The following SGCZ variants were observed in gnomAD, a reference collection of about 807,000 sequenced individuals.
The protein encoded by SGCZ is zeta-sarcoglycan.
Under a neutral mutation model 41.3 loss-of-function variants are expected in SGCZ, and 40 were observed. That is an observed-to-expected ratio of 0.97 (90% CI 0.75 to 1.26). The LOEUF (loss-of-function observed/expected upper bound fraction) is 1.26. Ranked by LOEUF, SGCZ falls within the 50% of genes most tolerant of loss-of-function variation. The pLI is 0.00. For synonymous variants in SGCZ, 206 were observed against 137.5 expected, an observed-to-expected ratio of 1.50 and a Z score of -3.49; for missense variants, 552 against 369.8, an observed-to-expected ratio of 1.49 and a Z score of -4.04.
intron 1 of SGCZ, among the ~76,000 whole-genome samples, chr8:14,574,526 C>G (rs1008468566): frequency 3.3e-5 from 5 of 152,200 alleles, no homozygotes; most frequent in African/African-American, 1.2e-4. Flanking sequence ...AAAGAAGAAT[C>G]TGAGCAGACA....
chr8:14,453,865 T>C (rs1329797988), intron 2 of SGCZ, among the ~76,000 whole-genome samples: 1 of 152,204 alleles, frequency 6.6e-6, no homozygotes, highest in Non-Finnish European at 1.5e-5. Flanking sequence ...GAGCTTTAAA[T>C]ACAGAACTGT....
chr8:14,216,623 T>C (rs953143340), intron 4 of SGCZ, among the ~76,000 whole-genome samples: 1 of 152,036 alleles, frequency 6.6e-6, no homozygotes, highest in Non-Finnish European at 1.5e-5. Flanking sequence ...CAAAAACCAA[T>C]TAACAAAGAC....
intron 2 of SGCZ, among the ~76,000 whole-genome samples, chr8:14,423,815 T>C (rs1419680582): frequency 6.6e-6 from 1 of 152,184 alleles, no homozygotes; most frequent in Non-Finnish European, 1.5e-5. Context: ...TCTCCCTCTC[T>C]CATTTACTTT....
At chr8:14,603,713 G>T (rs766725074) in intron 1 of SGCZ, among the ~76,000 whole-genome samples, 10 of 152,048 alleles carry the variant, frequency 6.6e-5, no homozygotes, top group Non-Finnish European at 1.2e-4. Flanking sequence ...GTTATCTGTT[G>T]TTGTTAATTT....
chr8:14,937,084 AG>A (rs1800106532), intron 1 of SGCZ, among the ~76,000 whole-genome samples: 1 of 151,984 alleles, frequency 6.6e-6, no homozygotes, highest in African/African-American at 2.4e-5. Context: ...AAAAATGAAA[AG>A]TTTAAACTGG....
chr8:14,145,710 A>G (rs1375307005), intron 5 of SGCZ, among the ~76,000 whole-genome samples: 1 of 152,220 alleles, frequency 6.6e-6, no homozygotes, highest in Admixed American at 6.5e-5. Context: ...GATAACACAG[A>G]TAAGGAATTC....
intron 2 of SGCZ, among the ~76,000 whole-genome samples, chr8:14,416,288 A>G (rs979384072): frequency 6.6e-6 from 1 of 151,998 alleles, no homozygotes; most frequent in Non-Finnish European, 1.5e-5. Context: ...GATGAATGTA[A>G]TAAGACCGAG....
intron 2 of SGCZ, among the ~76,000 whole-genome samples, chr8:14,325,713 T>C (rs1397999290): frequency 7.3e-6 from 1 of 136,660 alleles, no homozygotes; most frequent in Non-Finnish European, 1.6e-5. Context: ...TATATACATA[T>C]CTGTATACAC....
At chr8:14,838,044 G>A (rs974522402) in intron 1 of SGCZ, among the ~76,000 whole-genome samples, 10 of 152,114 alleles carry the variant, frequency 6.6e-5, no homozygotes, top group Non-Finnish European at 1.2e-4. Flanking sequence ...TTGCCACGAC[G>A]TGGACAGAAA....
chr8:14,855,471 A>G (rs1803514900), intron 1 of SGCZ, among the ~76,000 whole-genome samples: 1 of 152,106 alleles, frequency 6.6e-6, no homozygotes, highest in South Asian at 2.1e-4. Context: ...TACCCTCAAC[A>G]GTGTCCATAC....
At chr8:15,089,867 TCA>T (rs964446336) in intron 1 of SGCZ, among the ~76,000 whole-genome samples, 3 of 152,294 alleles carry the variant, frequency 2.0e-5, no homozygotes, top group African/African-American at 7.2e-5. Flanking sequence ...AACTTATTGC[TCA>T]GTTAATACTG....
chr8:14,168,917 ATAAAT>A (rs1804290842), intron 4 of SGCZ, among the ~76,000 whole-genome samples: 1 of 152,206 alleles, frequency 6.6e-6, no homozygotes, highest in Non-Finnish European at 1.5e-5. Flanking sequence ...TTTTACAAAT[ATAAAT>A]TAATTAATTT....
intron 1 of SGCZ, among the ~76,000 whole-genome samples, chr8:15,128,747 C>A (rs1345774720): frequency 6.6e-6 from 1 of 152,288 alleles, no homozygotes; most frequent in South Asian, 2.1e-4. Flanking sequence ...TATGACAAGG[C>A]CACAACACAG....
chr8:14,212,956 G>A (rs1265392102), intron 4 of SGCZ, among the ~76,000 whole-genome samples: 1 of 152,012 alleles, frequency 6.6e-6, no homozygotes, highest in East Asian at 1.9e-4. Context: ...ATTAATAGTA[G>A]AATGGAAATA....
chr8:14,308,743 C>T (rs1201432330), intron 3 of SGCZ, among the ~76,000 whole-genome samples: 1 of 151,860 alleles, frequency 6.6e-6, no homozygotes, highest in Non-Finnish European at 1.5e-5. Context: ...CTTTGTGCCG[C>T]GGTACCATGC....
chr8:14,747,940 A>G (rs2247670), intron 1 of SGCZ, among the ~76,000 whole-genome samples: 57,084 of 145,182 alleles, frequency 0.39, 11,359 homozygotes, highest in African/African-American at 0.45. Flanking sequence ...TGGCCAGGCT[A>G]GTCTTGAACT....
chr8:15,054,365 A>G (rs1404347936), intron 1 of SGCZ, among the ~76,000 whole-genome samples: 1 of 152,168 alleles, frequency 6.6e-6, no homozygotes, highest in African/African-American at 2.4e-5. Context: ...CTCAGGCAGA[A>G]CGTAGCTTGG....
At chr8:14,197,852 A>C (rs1385709258) in intron 4 of SGCZ, among the ~76,000 whole-genome samples, 2 of 152,084 alleles carry the variant, frequency 1.3e-5, no homozygotes, top group African/African-American at 4.8e-5. Context: ...CAGAGTCTGG[A>C]AAAAACTTAA....
At chr8:14,619,681 C>A (rs1806220373) in intron 1 of SGCZ, among the ~76,000 whole-genome samples, 1 of 152,092 alleles carries the variant, frequency 6.6e-6, no homozygotes, top group Admixed American at 6.6e-5. Context: ...TGAGTGAACT[C>A]CCATTCACAA....
Sources: gnomAD v4.1 joint callset for allele counts (sites outside exome capture counted in the v4.1 genomes callset) on GRCh38, gnomAD v4.1.1 for gene constraint, MANE v1.5 for transcripts, NCBI Gene and HGNC (gene_info 2026-07-23, HGNC 2026-07-21) for gene names.